FRMD4B: variants seen among roughly 807,000 people sequenced by gnomAD.
FRMD4B encodes the protein FERM domain-containing protein 4B.
FRMD4B carries 74 observed loss-of-function variants against 141.5 expected under a neutral mutation model. The ratio of observed to expected loss-of-function variants is 0.52; its 90% confidence interval spans 0.43 to 0.63. FRMD4B has a LOEUF of 0.63. Ranked by LOEUF, FRMD4B falls within the 30% of genes least tolerant of loss-of-function variation. The pLI is 0.00. For synonymous variants in FRMD4B, 506 were observed against 467.9 expected, an observed-to-expected ratio of 1.08 and a Z score of -1.05; for missense variants, 1,366 against 1,253.4, an observed-to-expected ratio of 1.09 and a Z score of -1.36.
chr3:69,521,372 C>T (rs1175467254), intron 1 of FRMD4B, among the ~76,000 whole-genome samples: 2 of 152,172 alleles, frequency 1.3e-5, no homozygotes, highest in Non-Finnish European at 1.5e-5. Context: ...CAGTCTGTAT[C>T]TCTCTTTCTT....
intron 2 of FRMD4B, among the ~76,000 whole-genome samples, chr3:69,401,239 C>T (rs963498016): frequency 6.6e-6 from 1 of 152,164 alleles, no homozygotes; most frequent in Non-Finnish European, 1.5e-5. Context: ...AAATTAATTT[C>T]CTTCCATAGC....
At chr3:69,343,741 G>A (rs1336448359) in intron 1 of FRMD4B, among the ~76,000 whole-genome samples, 1 of 151,748 alleles carries the variant, frequency 6.6e-6, no homozygotes, top group East Asian at 1.9e-4. Flanking sequence ...CACCATACCT[G>A]GCTAATTTTT....
At chr3:69,485,345 T>C (rs1411686536) in intron 1 of FRMD4B, among the ~76,000 whole-genome samples, 3 of 152,182 alleles carry the variant, frequency 2.0e-5, no homozygotes, top group African/African-American at 7.2e-5. Context: ...AGTGCAGGGA[T>C]GCCTGGATCT....
At chr3:69,251,231 G>A (rs2093462125) in intron 5 of FRMD4B, among the ~76,000 whole-genome samples, 1 of 152,156 alleles carries the variant, frequency 6.6e-6, no homozygotes. Context: ...TAAGAACATG[G>A]AATTCCTGGA....
At chr3:69,207,160 T>C (rs2093031223) in intron 11 of FRMD4B, among the ~76,000 whole-genome samples, 1 of 151,902 alleles carries the variant, frequency 6.6e-6, no homozygotes, top group Non-Finnish European at 1.5e-5. Context: ...AAAAAATTAG[T>C]GGGACACAAT....
intron 1 of FRMD4B, among the ~76,000 whole-genome samples, chr3:69,445,476 C>T (rs1337234997): frequency 6.6e-6 from 1 of 152,152 alleles, no homozygotes; most frequent in East Asian, 1.9e-4. Context: ...CCGCATCATC[C>T]CACTTCTCAT....
At chr3:69,340,430 T>A (rs903528998) in intron 1 of FRMD4B, among the ~76,000 whole-genome samples, 25 of 152,296 alleles carry the variant, frequency 1.6e-4, no homozygotes, top group African/African-American at 5.8e-4. Context: ...GTTTTCTGCG[T>A]TAATTTGCTA....
chr3:69,265,573 G>A (rs1285148533), intron 5 of FRMD4B, among the ~76,000 whole-genome samples: 5 of 146,158 alleles, frequency 3.4e-5, no homozygotes, highest in East Asian at 2.2e-4. Flanking sequence ...TCAGCCTCCC[G>A]AGTAGCTGGG....
At chr3:69,482,496 G>A (rs1706141438) in intron 1 of FRMD4B, among the ~76,000 whole-genome samples, 1 of 152,192 alleles carries the variant, frequency 6.6e-6, no homozygotes, top group Admixed American at 6.5e-5. Flanking sequence ...GAAGAAAAGA[G>A]AGAGGGGGAA....
At chr3:69,496,898 T>TA (rs2107047126) in intron 1 of FRMD4B, among the ~76,000 whole-genome samples, 1 of 28,140 alleles carries the variant, frequency 3.6e-5, no homozygotes, top group African/African-American at 1.1e-3. Flanking sequence ...GCTATGGTAG[T>TA]TTTTTTTTTA....
At chr3:69,439,440 T>C (rs896565420) in intron 1 of FRMD4B, among the ~76,000 whole-genome samples, 9 of 152,180 alleles carry the variant, frequency 5.9e-5, no homozygotes, top group African/African-American at 2.2e-4. Context: ...AAATCTCACC[T>C]GGGGTGGTCC....
chr3:69,296,493 A>G (rs917092667), intron 4 of FRMD4B, among the ~76,000 whole-genome samples: 1 of 152,196 alleles, frequency 6.6e-6, no homozygotes, highest in African/African-American at 2.4e-5. Flanking sequence ...AGTTCAGAAT[A>G]GGCTGGGCCA....
chr3:69,313,601 T>A, intron 1 of FRMD4B, 84 bp from the exon 2 acceptor site: 1 of 816,696 alleles, frequency 1.2e-6, no homozygotes, highest in Non-Finnish European at 2.0e-6. Flanking sequence ...TTATTTTATA[T>A]GAGATGGGCT....
chr3:69,455,881 T>C (rs945387921), intron 1 of FRMD4B, among the ~76,000 whole-genome samples: 29 of 152,212 alleles, frequency 1.9e-4, no homozygotes, highest in African/African-American at 7.0e-4. Flanking sequence ...ACTTCTACTC[T>C]AGGTTCAGGA....
intron 1 of FRMD4B, among the ~76,000 whole-genome samples, chr3:69,373,206 G>C (rs75946562): frequency 0.13 from 19,546 of 152,228 alleles, 1,335 homozygotes; most frequent in South Asian, 0.18. Flanking sequence ...CAGTTTTACC[G>C]ACCCTTTTTA....
At chr3:69,474,460 G>A (rs1227308205) in intron 1 of FRMD4B, among the ~76,000 whole-genome samples, 3 of 152,064 alleles carry the variant, frequency 2.0e-5, no homozygotes, top group Non-Finnish European at 4.4e-5. Context: ...AGGGGAATTG[G>A]GGATGGTTCT....
intron 11 of FRMD4B, among the ~76,000 whole-genome samples, chr3:69,213,028 G>A (rs1447088808): frequency 6.6e-6 from 1 of 152,056 alleles, no homozygotes; most frequent in Non-Finnish European, 1.5e-5. Context: ...ATGGAAACAA[G>A]TATGATGTCC....
intron 1 of FRMD4B, among the ~76,000 whole-genome samples, chr3:69,319,967 T>C (rs1701940640): frequency 6.6e-6 from 1 of 152,072 alleles, no homozygotes; most frequent in Non-Finnish European, 1.5e-5. Flanking sequence ...AAAACATAAT[T>C]TGAATAGAAG....
At chr3:69,190,307 T>C (rs185271593) in intron 17 of FRMD4B, among the ~76,000 whole-genome samples, 1 of 152,188 alleles carries the variant, frequency 6.6e-6, no homozygotes, top group Non-Finnish European at 1.5e-5. Context: ...GCCATTCTTA[T>C]CATAAATGCT....
Sources: gnomAD v4.1 joint callset for allele counts (sites outside exome capture counted in the v4.1 genomes callset) on GRCh38, gnomAD v4.1.1 for gene constraint, MANE v1.5 for transcripts, NCBI Gene and HGNC (gene_info 2026-07-23, HGNC 2026-07-21) for gene names.